AFF3: variants seen among roughly 807,000 people sequenced by gnomAD.
AFF3 encodes the protein ALF transcription elongation factor 3, also known as AF4/FMR2 family member 3.
In AFF3, 32 loss-of-function variants were observed where a neutral mutation model predicts 129.7. That is an observed-to-expected ratio of 0.25 (90% CI 0.19 to 0.33). The LOEUF is 0.33. Among genes scored for constraint, AFF3 ranks in the 10% least tolerant of loss-of-function variants. The pLI, the probability that AFF3 is intolerant of heterozygous loss-of-function variation, is 1.00. For missense variants in AFF3, 1,373 were observed against 1,592.0 expected (o/e 0.86, Z 2.34); for synonymous variants, 644 against 635.4 (o/e 1.01, Z -0.20).
At chr2:99,997,951 C>T (rs1290182282) in intron 7 of AFF3, among the ~76,000 whole-genome samples, 1 of 152,186 alleles carries the variant, frequency 6.6e-6, no homozygotes, top group East Asian at 1.9e-4. Flanking sequence ...ACCCTCCACC[C>T]CCATGGGCAT....
At chr2:99,999,968 G>A (rs916805346) in intron 7 of AFF3, among the ~76,000 whole-genome samples, 15 of 152,164 alleles carry the variant, frequency 9.9e-5, no homozygotes, top group East Asian at 1.9e-4. Context: ...ACAGCAACAG[G>A]AGTGTCCAGG....
chr2:99,898,089 T>C (rs1399511870), intron 7 of AFF3, among the ~76,000 whole-genome samples: 1 of 152,204 alleles, frequency 6.6e-6, no homozygotes, highest in African/African-American at 2.4e-5. Context: ...CACGACAATG[T>C]TATATGAGAA....
intron 11 of AFF3, among the ~76,000 whole-genome samples, chr2:99,675,046 A>T (rs1405036861): frequency 1.3e-5 from 2 of 152,214 alleles, no homozygotes; most frequent in Non-Finnish European, 2.9e-5. Flanking sequence ...TTGTGCTTCT[A>T]TAATGAGACT....
chr2:100,056,063 TCACACACACACACACACA>T (rs369771394), intron 4 of AFF3, among the ~76,000 whole-genome samples: 48 of 120,572 alleles, frequency 4.0e-4, no homozygotes, highest in African/African-American at 1.5e-3. Flanking sequence ...TGTCTCTCTC[TCACACACACACACACACA>T]CACACACACA....
Position 99,550,208 on chromosome 2 carries a change from A to G in AFF3, c.*1266T>C. ...CTTAATTAAAAAAAGAAAACAAGAG[A>G]AAAACTCAGAGCAAGGTGTAAACAT... On this transcript the variant is annotated 3_prime_UTR_variant, in exon 25 of 25. Transcript: ENST00000672756. 4.3e-6 allele frequency: 1 copy of G among 230,956 alleles called. No homozygotes were observed. The highest frequency in any genetic ancestry group is 8.6e-6 in the Non-Finnish European group (1 of 116,540). 14.3% of individuals were successfully genotyped at this position (230,956 alleles called of 1,614,324 possible).
In AFF3 at chr2:99,710,304, A is replaced by C. The variant is rs185483522; in HGVS notation, c.1091+16773T>G. 4.2e-3 allele frequency among the ~76,000 whole-genome samples: 633 copies of C among 152,236 alleles called. 5 individuals carry two copies. The highest frequency in any genetic ancestry group is 0.015 in the African/African-American group (610 of 41,544). ...ACAGAGTCTCTATTGTCCAGGCTGG[A>C]GTGCAGTGTTGCGATCTTGGGTCAT... On this transcript the variant is annotated intron_variant, in intron 11 of 24. Coordinates refer to ENST00000672756, the MANE Select transcript of AFF3 (RefSeq NM_001386135.1).
At chr2:100,049,193 G>C (rs546380623) in intron 4 of AFF3, among the ~76,000 whole-genome samples, 44 of 152,318 alleles carry the variant, frequency 2.9e-4, no homozygotes, top group African/African-American at 1.0e-3. Context: ...GGTGGCCACA[G>C]CCTTATTCAT....
chr2:99,739,668 T>C (rs1429291880), intron 10 of AFF3, among the ~76,000 whole-genome samples: 1 of 152,220 alleles, frequency 6.6e-6, no homozygotes, highest in Non-Finnish European at 1.5e-5. Flanking sequence ...CAATCTTTCC[T>C]TTAGTATCTA....
At chr2:99,558,791 A>C in intron 22 of AFF3, 84 bp downstream of exon 22, 1 of 1,344,168 alleles carries the variant, frequency 7.4e-7, no homozygotes, top group Non-Finnish European at 1.1e-6. Context: ...ACCCCAAAGC[A>C]ATGGAGTCTA....
At chr2:99,660,362 CT>C (rs1686120738) in intron 12 of AFF3, among the ~76,000 whole-genome samples, 2 of 152,092 alleles carry the variant, frequency 1.3e-5, no homozygotes, top group South Asian at 4.1e-4. Context: ...TCATTTAAAC[CT>C]TTTTTTACTT....
intron 20 of AFF3, 151 bp from the exon 21 acceptor site, chr2:99,560,587 A>G (rs1359598606): frequency 5.4e-6 from 4 of 739,778 alleles, no homozygotes; most frequent in Non-Finnish European, 6.6e-6. Context: ...ATTCTTTCTT[A>G]AAAGCTAGCT....
At chr2:99,622,681 C>G (rs1388477354) in intron 13 of AFF3, among the ~76,000 whole-genome samples, 2 of 152,352 alleles carry the variant, frequency 1.3e-5, no homozygotes, top group East Asian at 3.9e-4. Context: ...ATAAAACTCT[C>G]AGCTCAGCCC....
At chr2:99,717,016 T>C (rs1277938606) in intron 11 of AFF3, among the ~76,000 whole-genome samples, 2 of 152,242 alleles carry the variant, frequency 1.3e-5, no homozygotes, top group Non-Finnish European at 2.9e-5. Context: ...CTTATGTGTC[T>C]GGCTTCTTTC....
At chr2:99,759,444 T>TATC (rs3072581) in intron 8 of AFF3, among the ~76,000 whole-genome samples, 132,236 of 152,008 alleles carry the variant, frequency 0.87, 57,544 homozygotes, top group South Asian at 0.93. Context: ...AGAGGGATAT[T>TATC]TACTTATCTT....
At chr2:99,894,398 G>A (rs974217725) in intron 7 of AFF3, among the ~76,000 whole-genome samples, 1 of 152,048 alleles carries the variant, frequency 6.6e-6, no homozygotes, top group African/African-American at 2.4e-5. Context: ...AAAAAAGGAA[G>A]GAACCAGAAG....
At chr2:99,944,782 G>T (rs1219745405) in intron 7 of AFF3, among the ~76,000 whole-genome samples, 1 of 152,006 alleles carries the variant, frequency 6.6e-6, no homozygotes. Flanking sequence ...TATAGTAAAG[G>T]GTCCACAGGA....
chr2:100,047,707 A>G (rs139530886), intron 4 of AFF3, among the ~76,000 whole-genome samples: 3 of 152,366 alleles, frequency 2.0e-5, no homozygotes, highest in African/African-American at 7.2e-5. Context: ...TTATTCAACC[A>G]TTAGTATACT....
chr2:99,727,177 T>G, intron 10 of AFF3, 49 bp from the exon 11 acceptor site: 1 of 1,491,262 alleles, frequency 6.7e-7, no homozygotes, highest in Non-Finnish European at 9.2e-7. Flanking sequence ...CTTACAGTCT[T>G]TAAGATTTAA....
Position 100,105,520 on chromosome 2 carries a change from C to T in AFF3, c.-81G>A. On this transcript the variant is annotated 5_prime_UTR_variant, in exon 3 of 25. Coordinates refer to ENST00000672756, the MANE Select transcript of AFF3 (RefSeq NM_001386135.1). ...ATTTCTCACCGGGAAGGGGGACAAACTGGCCTCTGGGTGTCGACTTCAAAC... is the reference window on the plus strand; with the variant it reads ...ATTTCTCACCGGGAAGGGGGACAAATTGGCCTCTGGGTGTCGACTTCAAAC... The T allele has an allele frequency of 1.5e-6, 2 of 1,331,304 alleles. No individual in the cohort carries two copies. Among genetic ancestry groups the T allele is most frequent in the African/African-American group, 1.5e-5 (1 of 66,888 alleles). 82.5% of individuals were successfully genotyped at this position (1,331,304 alleles called of 1,614,324 possible). A position where few individuals can be genotyped will look rare whatever the true frequency, so the allele number is the denominator to read the frequency against.
Sources: allele counts gnomAD v4.1 joint callset (sites outside exome capture counted in the v4.1 genomes callset), GRCh38; gene constraint gnomAD v4.1.1; transcripts MANE v1.5; gene names NCBI Gene and HGNC (gene_info 2026-07-23, HGNC 2026-07-21).